ZMAT4: variants seen among roughly 807,000 people sequenced by gnomAD.
ZMAT4 encodes zinc finger matrin-type protein 4.
Under a neutral mutation model 28.7 loss-of-function variants are expected in ZMAT4, and 17 were observed. The observed-to-expected ratio is 0.59, with a 90% CI of 0.41 to 0.89. The LOEUF (loss-of-function observed/expected upper bound fraction) is 0.89, where lower values mean the gene tolerates loss of function less well. Ranked by LOEUF, ZMAT4 falls within the 40% of genes least tolerant of loss-of-function variation. ZMAT4 has a pLI of 0.00. For synonymous variants in ZMAT4, 117 were observed against 109.2 expected (o/e 1.07, Z -0.44); for missense variants, 240 against 283.8 (o/e 0.85, Z 1.11).
chr8:40,869,485 A>C (rs1033857690), intron 1 of ZMAT4, among the ~76,000 whole-genome samples: 1 of 152,240 alleles, frequency 6.6e-6, no homozygotes, highest in Non-Finnish European at 1.5e-5. Flanking sequence ...TTTGGCTAAC[A>C]CATGTAATTT....
intron 5 of ZMAT4, among the ~76,000 whole-genome samples, chr8:40,587,084 G>A (rs1160356042): frequency 2.0e-5 from 3 of 148,170 alleles, no homozygotes; most frequent in Non-Finnish European, 4.5e-5. Context: ...AAATGGGCCT[G>A]AACTGCTCAA....
intron 3 of ZMAT4, among the ~76,000 whole-genome samples, chr8:40,711,335 A>G (rs1039016684): frequency 2.0e-5 from 3 of 152,248 alleles, no homozygotes; most frequent in Admixed American, 6.5e-5. Context: ...GCAACCTCCA[A>G]TGAATTAATG....
chr8:40,694,433 CCTGCCATGGTCTT>C (rs1390187805), intron 4 of ZMAT4, among the ~76,000 whole-genome samples: 4 of 152,116 alleles, frequency 2.6e-5, no homozygotes, highest in Non-Finnish European at 4.4e-5. Context: ...ATGGTGGTGT[CCTGCCATGGTCTT>C]CTCAGCCTAT....
rs1187662346 is a variant in ZMAT4 at position 40,532,347 on chromosome 8, A to T, written c.675-109T>A. ...CTCTTCTACTTCTCATATTACCTTA[A>T]CCATCAAATTCAAATGCATCTGAAT... On this transcript the variant is annotated intron_variant, in intron 6 of 6. Coordinates refer to ENST00000297737, the MANE Select transcript of ZMAT4 (RefSeq NM_024645.3). 33 of 861,424 alleles carry T rather than the reference A, an allele frequency of 3.8e-5. No individual in the cohort carries two copies. The East Asian group carries it at 9.1e-4, about 24-fold the overall frequency. 53.4% of individuals were successfully genotyped at this position (861,424 alleles called of 1,614,324 possible). A position where few individuals can be genotyped will look rare whatever the true frequency, so the allele number is the denominator to read the frequency against.
intron 1 of ZMAT4, among the ~76,000 whole-genome samples, chr8:40,840,236 C>A (rs1816653122): frequency 6.6e-6 from 1 of 152,168 alleles, no homozygotes; most frequent in Non-Finnish European, 1.5e-5. Context: ...TCACACTCCT[C>A]CGGGGCACCC....
chr8:40,539,811 T>C (rs1802969509), intron 6 of ZMAT4, among the ~76,000 whole-genome samples: 1 of 152,232 alleles, frequency 6.6e-6, no homozygotes, highest in African/African-American at 2.4e-5. Context: ...CCCTTGGGAT[T>C]TCCCAAATGA....
chr8:40,538,507 G>C (rs142649415), intron 6 of ZMAT4, among the ~76,000 whole-genome samples: 2 of 152,230 alleles, frequency 1.3e-5, no homozygotes, highest in African/African-American at 4.8e-5. Context: ...GCGGGCCATA[G>C]TAACTCATAT....
intron 2 of ZMAT4, among the ~76,000 whole-genome samples, chr8:40,813,331 C>T (rs533865841): frequency 6.6e-6 from 1 of 152,316 alleles, no homozygotes; most frequent in Admixed American, 6.5e-5. Context: ...TCCCCAACCT[C>T]ATGTTACAGA....
Position 40,714,617 on chromosome 8 carries a change from G to T in ZMAT4, c.193-17216C>A, listed in dbSNP as rs190567950. Among the ~76,000 whole-genome samples, 8 of 152,266 alleles carry T rather than the reference G, an allele frequency of 5.3e-5. No homozygotes were observed. The East Asian group carries it at 1.5e-3, about 29-fold the overall frequency. ...GGGACAGTGCAGAATGCAATCCATT[G>T]ATGCCTTTTGTCATGGAGTTTATAT... On this transcript the variant is annotated intron_variant, in intron 3 of 6. Transcript: ENST00000297737.
At chr8:40,854,056 G>A (rs1331028725) in intron 1 of ZMAT4, among the ~76,000 whole-genome samples, 1 of 152,094 alleles carries the variant, frequency 6.6e-6, no homozygotes, top group Non-Finnish European at 1.5e-5. Flanking sequence ...ACAGAGAGGA[G>A]GAGGAGCCAG....
intron 6 of ZMAT4, among the ~76,000 whole-genome samples, chr8:40,537,529 T>C (rs1361714782): frequency 6.6e-6 from 1 of 152,162 alleles, no homozygotes; most frequent in Non-Finnish European, 1.5e-5. Flanking sequence ...GTAATTGACT[T>C]ACCAAAACAC....
intron 5 of ZMAT4, among the ~76,000 whole-genome samples, chr8:40,590,973 G>A (rs938362529): frequency 6.6e-6 from 1 of 152,116 alleles, no homozygotes; most frequent in Admixed American, 6.6e-5. Context: ...ACTGTCTAGA[G>A]TGCTCTGAAA....
At chr8:40,596,835 C>A (rs187155191) in intron 5 of ZMAT4, among the ~76,000 whole-genome samples, 81 of 152,306 alleles carry the variant, frequency 5.3e-4, no homozygotes, top group African/African-American at 1.9e-3. Flanking sequence ...CCTCCGTCTC[C>A]CTGTTCCAAC....
chr8:40,835,001 T>C (rs1223165386), intron 1 of ZMAT4, among the ~76,000 whole-genome samples: 2 of 152,206 alleles, frequency 1.3e-5, no homozygotes, highest in Non-Finnish European at 2.9e-5. Context: ...CCGGGCAGCA[T>C]GATGGAGCGC....
At chr8:40,886,987 T>A (rs567599513) in intron 1 of ZMAT4, among the ~76,000 whole-genome samples, 2 of 151,902 alleles carry the variant, frequency 1.3e-5, no homozygotes, top group East Asian at 1.9e-4. Flanking sequence ...CTGGCTAACA[T>A]GGTGAAACCC....
chr8:40,630,721 C>T (rs1806543720), intron 5 of ZMAT4, among the ~76,000 whole-genome samples: 1 of 152,218 alleles, frequency 6.6e-6, no homozygotes, highest in Non-Finnish European at 1.5e-5. Context: ...TTTATGCATA[C>T]ATGACATATG....
chr8:40,786,970 A>G lies in ZMAT4; in HGVS notation c.103-19240T>C, dbSNP rs150076963. Among the ~76,000 whole-genome samples, 732 of 152,334 alleles carry G rather than the reference A, an allele frequency of 4.8e-3. 2 individuals carry two copies. Among genetic ancestry groups the G allele is most frequent in the African/African-American group, 0.017 (697 of 41,566 alleles). On this transcript the variant is annotated intron_variant, in intron 2 of 6. Transcript: ENST00000297737. ...TAGGTAACATTCCAAAACTGGTTTC[A>G]CCCGAGAAATTTTTTCAATAAACAC...
intron 5 of ZMAT4, among the ~76,000 whole-genome samples, chr8:40,597,190 T>C (rs1330605599): frequency 6.6e-6 from 1 of 152,204 alleles, no homozygotes; most frequent in Non-Finnish European, 1.5e-5. Flanking sequence ...CTACTATGAA[T>C]AAGGAGAATT....
At chr8:40,722,497 T>A (rs7841891) in intron 3 of ZMAT4, among the ~76,000 whole-genome samples, 4 of 151,976 alleles carry the variant, frequency 2.6e-5, no homozygotes, top group Admixed American at 2.6e-4. Flanking sequence ...ATTATGCTTG[T>A]AATGATTTTT....
Sources: allele counts gnomAD v4.1 joint callset (sites outside exome capture counted in the v4.1 genomes callset), GRCh38; gene constraint gnomAD v4.1.1; transcripts MANE v1.5; gene names NCBI Gene and HGNC (gene_info 2026-07-23, HGNC 2026-07-21).